ZNF263: variants seen among roughly 807,000 people sequenced by gnomAD.
ZNF263 encodes the protein zinc finger protein 263.
ZNF263 carries 49 observed loss-of-function variants against 63.1 expected under a neutral mutation model. The ratio of observed to expected loss-of-function variants is 0.78; its 90% CI spans 0.62 to 0.99. ZNF263 has a LOEUF of 0.99. ZNF263 is among the 50% of genes least tolerant of loss of function. The probability of loss-of-function intolerance (pLI) is 0.00; values close to 1 mark genes in which losing one functional copy is unlikely to be tolerated. For synonymous variants in ZNF263, 352 were observed against 324.2 expected, an observed-to-expected ratio of 1.09 and a Z score of -0.92; for missense variants, 872 against 854.8, an observed-to-expected ratio of 1.02 and a Z score of -0.25.
Position 3,290,617 on chromosome 16 carries a change from C to T in ZNF263, c.*59C>T. ...TGGCATATTCAGAGGAGCCTGTTGG[C>T]AAGAGCTGGTATTCCCTGCCCAGCC... On this transcript the variant is annotated 3_prime_UTR_variant, in exon 6 of 6. Transcript: ENST00000219069. 1.3e-6 allele frequency: 2 copies of T among 1,529,402 alleles called. No homozygotes were observed. The highest frequency in any genetic ancestry group is 8.7e-7 in the Non-Finnish European group (1 of 1,144,982). 94.7% of individuals were successfully genotyped at this position (1,529,402 alleles called of 1,614,324 possible). A position where few individuals can be genotyped will look rare whatever the true frequency, so the allele number is the denominator to read the frequency against.
chr16:3,287,405 C>CTTTTTTTTTT (rs34751211), intron 4 of ZNF263, among the ~76,000 whole-genome samples: 4 of 97,866 alleles, frequency 4.1e-5, no homozygotes, highest in African/African-American at 4.1e-5. Context: ...CACACCCGGC[C>CTTTTTTTTTT]TTTTTTTTTT....
At chr16:3,285,013 C>G in intron 1 of ZNF263, 46 bp from the exon 2 acceptor site, 2 of 1,605,494 alleles carry the variant, frequency 1.2e-6, no homozygotes, top group Non-Finnish European at 1.7e-6. Context: ...ATTTCCCTTC[C>G]TCTTGGGCCC....
chr16:3,299,721 G>A (rs1959878050), intron 2 of ZNF263: 3 of 1,535,618 alleles, frequency 2.0e-6, no homozygotes, highest in Non-Finnish European at 1.7e-6. Context: ...GATGAGCCGG[G>A]CAACTGTCCA....
chr16:3,285,914 C>G, intron 3 of ZNF263, 109 bp from the exon 4 acceptor site: 6 of 1,566,800 alleles, frequency 3.8e-6, no homozygotes, highest in Non-Finnish European at 5.2e-6. Context: ...TACCCTTCTT[C>G]CCCCCTGACA....
At chr16:3,297,626 G>A (rs890191509) in intron 1 of ZNF263, among the ~76,000 whole-genome samples, 8 of 151,604 alleles carry the variant, frequency 5.3e-5, no homozygotes, top group African/African-American at 1.9e-4. Context: ...CACTGCGCCC[G>A]GCTAATTTTT....
At chr16:3,286,732 C>T (rs1008662283) in intron 4 of ZNF263, 3 of 152,096 alleles carry the variant, frequency 2.0e-5, no homozygotes, top group African/African-American at 7.2e-5. Context: ...GTACTGTACT[C>T]AGAGTTTTAA....
Position 3,300,151 on chromosome 16 carries a change from G to A in ZNF263, c.*47-762G>A, listed in dbSNP as rs753649522. On this transcript the variant is annotated intron_variant, in intron 2 of 2. Coordinates refer to the ZNF263 transcript ENST00000574674. ...TATCATGGACAGTTTTTGTCGAAATGGCTCAACATTTTCAGAAACTGAACT... is the reference window on the plus strand; with the variant it reads ...TATCATGGACAGTTTTTGTCGAAATAGCTCAACATTTTCAGAAACTGAACT... The A allele has an allele frequency of 1.2e-6, 2 of 1,614,208 alleles. 1 individual carries two copies. The highest frequency in any genetic ancestry group is 1.7e-6 in the Non-Finnish European group (2 of 1,180,034).
intron 1 of ZNF263, among the ~76,000 whole-genome samples, chr16:3,284,583 C>G (rs887826173): frequency 6.6e-6 from 1 of 152,196 alleles, no homozygotes; most frequent in African/African-American, 2.4e-5. Flanking sequence ...AGAGGGAGAG[C>G]AGCATGTAAA....
chr16:3,291,465 T>C (rs1470520979), downstream of ZNF263: 2 of 985,298 alleles, frequency 2.0e-6, no homozygotes, highest in African/African-American at 3.5e-5. Flanking sequence ...CATAAATGTC[T>C]GTGAGTCTTC....
chr16:3,286,050 A>C lies in ZNF263; in HGVS notation c.670A>C (p.Met224Leu). The C allele has an allele frequency of 6.2e-7, 1 of 1,613,746 alleles. No homozygotes were observed. Residue 224 changes from methionine (M) to leucine (L), a missense_variant, in exon 4 of 6, where the codon ATG (methionine) becomes CTG (leucine). Met to Leu is a conservative substitution (Grantham distance 15). Coordinates refer to ENST00000219069, the MANE Select transcript of ZNF263 (RefSeq NM_005741.5). Reference sequence around the variant, plus strand: ...GCCTGAGAGCTTAGAGGACGTGGCAATGTACATCTCCCAGGAGGAGTGGGG... The same window carrying C: ...GCCTGAGAGCTTAGAGGACGTGGCACTGTACATCTCCCAGGAGGAGTGGGG... The part of the protein sequence containing the change: ...QLPESLEDVA[M>L]YISQEEWGHQ...
intron 2 of ZNF263, chr16:3,300,447 T>A (rs1003086743): frequency 9.3e-6 from 15 of 1,614,114 alleles, no homozygotes; most frequent in Non-Finnish European, 1.2e-5. Flanking sequence ...CCTGCTTCAG[T>A]ACAAAGTCCA....
At chr16:3,298,969 T>C (rs1959848200) in intron 1 of ZNF263, 2 of 1,226,554 alleles carry the variant, frequency 1.6e-6, no homozygotes, top group Non-Finnish European at 2.1e-6. Flanking sequence ...CAAAATCTAA[T>C]GATTAGAACC....
At position 3,290,387 on chromosome 16, in the gene ZNF263, A is replaced by G; in HGVS notation, c.1881A>G (p.Gly627=). ...TCAGGCACCAGAGAATCCACACAGG[A>G]GAAAAACCCTATACCTGTCATGAGT... ...NLIRHQRIHT[G]EKPYTCHECG... Residue 627 remains glycine (G), a synonymous_variant, in exon 6 of 6, where the codon GGA becomes GGG. Transcript: ENST00000219069. 1 of 1,614,198 alleles carries G rather than the reference A, an allele frequency of 6.2e-7. No homozygotes were observed. Among genetic ancestry groups the G allele is most frequent in the Non-Finnish European group, 8.5e-7 (1 of 1,180,034 alleles).
At chr16:3,292,053 A>G (rs1382371427), downstream of ZNF263, among the ~76,000 whole-genome samples, 1 of 152,182 alleles carries the variant, frequency 6.6e-6, no homozygotes, top group Non-Finnish European at 1.5e-5. Context: ...GATTACTAGC[A>G]TTGCATTTTA....
rs1230046895 is a variant in ZNF263, at chr16:3,283,792, G to A, written c.-27G>A. 3 of 1,513,480 alleles carry A rather than the reference G, an allele frequency of 2.0e-6. No homozygotes were observed. Among genetic ancestry groups the A allele is most frequent in the Non-Finnish European group, 2.6e-6 (3 of 1,135,768 alleles). The allele number at this position is 1,513,480 out of a possible 1,614,324, so 93.8% of individuals were successfully genotyped here. A position where few individuals can be genotyped will look rare whatever the true frequency, so the allele number is the denominator to read the frequency against. On this transcript the variant is annotated 5_prime_UTR_variant, in exon 1 of 6. Coordinates refer to ENST00000219069, the MANE Select transcript of ZNF263 (RefSeq NM_005741.5). ...TTCGTAGGCGGGCACGGCTGGTTTC[G>A]GGCTAAGGCGCTCTGGAGACCTGAC... is the stretch of plus-strand genomic sequence containing the variant.
chr16:3,299,727 G>A, intron 2 of ZNF263: 1 of 1,540,344 alleles, frequency 6.5e-7, no homozygotes, highest in Non-Finnish European at 8.7e-7. Flanking sequence ...CCGGGCAACT[G>A]TCCAGAAGTA....
rs1395151742 is a variant in ZNF263, at chr16:3,289,944, C to T, written c.1438C>T (p.His480Tyr). 1 of 1,614,180 alleles carries T rather than the reference C, an allele frequency of 6.2e-7. No homozygotes were observed. The highest frequency in any genetic ancestry group is 2.2e-5 in the East Asian group (1 of 44,886). ...CFSCNSNLHR[H>Y]QRTHTGEKPY... ...CTCCTGCAACTCCAACCTCCACAGGCACCAGAGAACGCACACTGGGGAGAA... is the reference window on the plus strand; with the variant it reads ...CTCCTGCAACTCCAACCTCCACAGGTACCAGAGAACGCACACTGGGGAGAA... The change falls in exon 6 of 6, where the codon CAC becomes TAC. Residue 480 changes from histidine (H) to tyrosine (Y), a missense_variant. By Grantham distance (83) the His-to-Tyr change is moderately conservative (BLOSUM62 2). Coordinates refer to ENST00000219069, the MANE Select transcript of ZNF263 (RefSeq NM_005741.5).
At chr16:3,296,022 A>C (rs994059728), downstream of ZNF263, among the ~76,000 whole-genome samples, 1 of 152,110 alleles carries the variant, frequency 6.6e-6, no homozygotes, top group Admixed American at 6.5e-5. Context: ...GCAGAGACTG[A>C]GCCCCTGCTT....
At chr16:3,293,914 G>C (rs1470071494), downstream of ZNF263, among the ~76,000 whole-genome samples, 1 of 152,226 alleles carries the variant, frequency 6.6e-6, no homozygotes, top group Non-Finnish European at 1.5e-5. Flanking sequence ...TCAGGTTTTA[G>C]GCTCAGCACT....
Sources: gnomAD v4.1 joint callset for allele counts (sites outside exome capture counted in the v4.1 genomes callset) on GRCh38, gnomAD v4.1.1 for gene constraint, MANE v1.5 for transcripts, NCBI Gene and HGNC (gene_info 2026-07-23, HGNC 2026-07-21) for gene names.